SERGEF: variants seen among roughly 807,000 people sequenced by gnomAD.
The protein encoded by SERGEF is secretion-regulating guanine nucleotide exchange factor.
SERGEF carries 51 observed loss-of-function variants against 50.0 expected under a neutral mutation model. That is an observed-to-expected ratio of 1.02 (90% CI 0.81 to 1.29). The LOEUF is 1.29. Among genes scored for constraint, SERGEF ranks in the 50% most tolerant of loss-of-function variants. SERGEF has a pLI of 0.00. For synonymous variants in SERGEF, 205 were observed against 212.4 expected (o/e 0.97, Z 0.30); for missense variants, 521 against 557.0 (o/e 0.94, Z 0.65).
At chr11:17,858,992 T>G (rs1308819008) in intron 10 of SERGEF, among the ~76,000 whole-genome samples, 2 of 152,092 alleles carry the variant, frequency 1.3e-5, no homozygotes, top group Non-Finnish European at 2.9e-5. Flanking sequence ...GTTCCTCTCA[T>G]TAGCTGAACC....
At chr11:17,927,033 A>T (rs969910378) in intron 9 of SERGEF, among the ~76,000 whole-genome samples, 13 of 152,294 alleles carry the variant, frequency 8.5e-5, no homozygotes, top group African/African-American at 3.1e-4. Context: ...GGCCCCTGAC[A>T]GGGTCTCTGG....
intron 10 of SERGEF, among the ~76,000 whole-genome samples, chr11:17,859,729 G>A (rs1295174465): frequency 1.3e-5 from 2 of 152,128 alleles, no homozygotes; most frequent in East Asian, 3.8e-4. Flanking sequence ...ATTAGAAAAA[G>A]CAGCAGACTT....
chr11:17,959,965 C>T (rs1388637789), intron 8 of SERGEF, among the ~76,000 whole-genome samples: 4 of 152,200 alleles, frequency 2.6e-5, no homozygotes, highest in Non-Finnish European at 5.9e-5. Context: ...TTATGGCCTT[C>T]CATTCCCTCC....
intron 8 of SERGEF, among the ~76,000 whole-genome samples, chr11:17,966,559 G>A (rs1050982555): frequency 6.6e-6 from 1 of 152,024 alleles, no homozygotes; most frequent in African/African-American, 2.4e-5. Flanking sequence ...GTCACCTTTG[G>A]AATATTTAGT....
At chr11:17,904,577 G>A (rs1199047152) in intron 9 of SERGEF, among the ~76,000 whole-genome samples, 4 of 152,150 alleles carry the variant, frequency 2.6e-5, no homozygotes, top group Non-Finnish European at 5.9e-5. Context: ...GGTGACTCTA[G>A]TGACAAGTCC....
At chr11:18,009,552 T>G (rs1854154563) in intron 1 of SERGEF, among the ~76,000 whole-genome samples, 1 of 152,178 alleles carries the variant, frequency 6.6e-6, no homozygotes. Flanking sequence ...CAAAGCTGGC[T>G]AAGGATTTCT....
At chr11:17,996,816 GA>G (rs564295644) in intron 5 of SERGEF, among the ~76,000 whole-genome samples, 92 of 142,572 alleles carry the variant, frequency 6.5e-4, no homozygotes, top group Middle Eastern at 7.0e-3. Flanking sequence ...ACTTCGAGAG[GA>G]AAAAAAAAAA....
intron 9 of SERGEF, among the ~76,000 whole-genome samples, chr11:17,934,634 T>G (rs1472239705): frequency 6.6e-6 from 1 of 152,172 alleles, no homozygotes; most frequent in African/African-American, 2.4e-5. Context: ...CCTCTGGCAA[T>G]TCCAAAACAG....
intron 8 of SERGEF, among the ~76,000 whole-genome samples, chr11:17,979,108 T>G (rs1853439828): frequency 6.6e-6 from 1 of 152,188 alleles, no homozygotes; most frequent in Non-Finnish European, 1.5e-5. Context: ...GTAACCTGCA[T>G]AAGATCACAG....
At chr11:17,868,848 G>A (rs1396051877) in intron 10 of SERGEF, among the ~76,000 whole-genome samples, 8 of 152,230 alleles carry the variant, frequency 5.3e-5, no homozygotes, top group South Asian at 2.1e-4. Context: ...ATCAGATCTC[G>A]TGAGACTTAT....
chr11:17,908,570 G>A (rs1301951013), intron 9 of SERGEF, among the ~76,000 whole-genome samples: 2 of 152,020 alleles, frequency 1.3e-5, no homozygotes, highest in African/African-American at 4.8e-5. Context: ...ATATTGAATT[G>A]TAAAGGGCTC....
intron 10 of SERGEF, among the ~76,000 whole-genome samples, chr11:17,820,056 C>T (rs868040856): frequency 6.6e-6 from 1 of 152,028 alleles, no homozygotes; most frequent in Non-Finnish European, 1.5e-5. Flanking sequence ...GTTGTCCTGG[C>T]TGCTCTCGAG....
intron 8 of SERGEF, among the ~76,000 whole-genome samples, chr11:17,974,209 C>T (rs211145): frequency 2.0e-5 from 3 of 152,294 alleles, no homozygotes; most frequent in South Asian, 2.1e-4. Context: ...GTCCCTCAGG[C>T]CCCAGAATAC....
chr11:17,907,505 T>C (rs981067170), intron 9 of SERGEF, among the ~76,000 whole-genome samples: 2 of 152,242 alleles, frequency 1.3e-5, no homozygotes, highest in African/African-American at 2.4e-5. Context: ...GTTCTTTCCC[T>C]GTGTTTAAAG....
intron 9 of SERGEF, among the ~76,000 whole-genome samples, chr11:17,938,433 ACAGCAAGTTATC>A (rs1288596715): frequency 2.0e-5 from 3 of 152,206 alleles, no homozygotes; most frequent in African/African-American, 7.2e-5. Flanking sequence ...TGAAAGCCAT[ACAGCAAGTTATC>A]AGCAAGCTAG....
At chr11:17,990,237 G>C (rs184030738) in intron 7 of SERGEF, among the ~76,000 whole-genome samples, 1 of 152,174 alleles carries the variant, frequency 6.6e-6, no homozygotes, top group African/African-American at 2.4e-5. Context: ...TCTGTTACCC[G>C]ATCACTGTTT....
intron 9 of SERGEF, among the ~76,000 whole-genome samples, chr11:17,893,887 C>G (rs1299631475): frequency 6.6e-6 from 1 of 152,184 alleles, no homozygotes; most frequent in Admixed American, 6.5e-5. Context: ...ATATCTTGCT[C>G]AGCCTCCATG....
intron 7 of SERGEF, 40 bp downstream of exon 7, chr11:17,992,891 C>A (rs1252247862): frequency 6.5e-7 from 1 of 1,549,022 alleles, no homozygotes. Context: ...CATACAGAAT[C>A]CTGAATGGCA....
chr11:17,845,367 G>A (rs368364163), intron 10 of SERGEF, among the ~76,000 whole-genome samples: 213 of 152,306 alleles, frequency 1.4e-3, no homozygotes, highest in African/African-American at 4.7e-3. Flanking sequence ...GGTTAGAGGC[G>A]TAAGTAGAAG....
Sources: gnomAD v4.1 joint callset for allele counts (sites outside exome capture counted in the v4.1 genomes callset) on GRCh38, gnomAD v4.1.1 for gene constraint, MANE v1.5 for transcripts, NCBI Gene and HGNC (gene_info 2026-07-23, HGNC 2026-07-21) for gene names.